PCDH15: variants seen among roughly 807,000 people sequenced by gnomAD.
PCDH15 encodes the protein protocadherin related 15, also known as protocadherin-15.
PCDH15 carries 129 observed loss-of-function variants against 178.5 expected under a neutral mutation model. The ratio of observed to expected loss-of-function variants is 0.72; its 90% CI spans 0.63 to 0.84. The LOEUF (loss-of-function observed/expected upper bound fraction) is 0.84, where lower values mean the gene tolerates loss of function less well. Ranked by LOEUF, PCDH15 falls within the 40% of genes least tolerant of loss-of-function variation. PCDH15 has a pLI of 0.00. For missense variants in PCDH15, 2,230 were observed against 2,099.9 expected, an observed-to-expected ratio of 1.06 and a Z score of -1.21; for synonymous variants, 800 against 732.0, an observed-to-expected ratio of 1.09 and a Z score of -1.50.
chr10:54,926,289 G>A (rs1452209545), intron 2 of PCDH15, among the ~76,000 whole-genome samples: 1 of 152,056 alleles, frequency 6.6e-6, no homozygotes, highest in African/African-American at 2.4e-5. Context: ...GAATTCCAAG[G>A]TTAAAGCCTA....
intron 2 of PCDH15, among the ~76,000 whole-genome samples, chr10:54,942,300 G>A (rs1838083223): frequency 1.3e-5 from 2 of 152,014 alleles, no homozygotes; most frequent in Admixed American, 6.6e-5. Flanking sequence ...TGTGGGTTGT[G>A]GTGCCAATGC....
At chr10:54,886,020 C>T (rs377292692) in intron 3 of PCDH15, among the ~76,000 whole-genome samples, 23 of 151,154 alleles carry the variant, frequency 1.5e-4, no homozygotes, top group South Asian at 4.2e-4. Flanking sequence ...CACTGTTTTT[C>T]TCTCTCTCTC....
At chr10:53,891,579 A>G (rs552487461) in intron 26 of PCDH15, among the ~76,000 whole-genome samples, 138 of 152,286 alleles carry the variant, frequency 9.1e-4, no homozygotes, top group African/African-American at 3.0e-3. Context: ...CCATTTACCA[A>G]ATAAACTACT....
chr10:54,110,710 C>T lies in PCDH15; in HGVS notation c.1918-20647G>A, dbSNP rs1285622648. 1.5e-4 allele frequency among the ~76,000 whole-genome samples: 23 copies of T among 152,076 alleles called. 1 individual carries two copies. Reference sequence around the variant, plus strand: ...TTTATGTTTTTTAACCTGGAGCTTTCTTTAAAAAAAGCTTTGTTCTTATGT... The same window carrying T: ...TTTATGTTTTTTAACCTGGAGCTTTTTTTAAAAAAAGCTTTGTTCTTATGT... On this transcript the variant is annotated intron_variant, in intron 15 of 37. Coordinates refer to ENST00000644397, the MANE Select transcript of PCDH15 (RefSeq NM_001384140.1).
chr10:55,206,674 C>G (rs1278636232), intron 1 of PCDH15, among the ~76,000 whole-genome samples: 1 of 152,088 alleles, frequency 6.6e-6, no homozygotes, highest in African/African-American at 2.4e-5. Flanking sequence ...CATTTTGGAG[C>G]AGTCTGTTTT....
chr10:55,088,695 A>G (rs751861952), intron 2 of PCDH15, among the ~76,000 whole-genome samples: 3 of 152,188 alleles, frequency 2.0e-5, no homozygotes, highest in Non-Finnish European at 4.4e-5. Context: ...ATATATTTGC[A>G]TATTCATTAT....
chr10:55,428,827 ATATTT>A (rs1246591264), intron 2 of PCDH15, among the ~76,000 whole-genome samples: 2 of 151,820 alleles, frequency 1.3e-5, no homozygotes, highest in Admixed American at 1.3e-4. Context: ...TTTTTGTATT[ATATTT>A]TATTTCCTTT....
At chr10:55,392,088 T>G (rs922236061) in intron 2 of PCDH15, among the ~76,000 whole-genome samples, 2 of 152,156 alleles carry the variant, frequency 1.3e-5, no homozygotes, top group African/African-American at 4.8e-5. Flanking sequence ...CATTTATTTA[T>G]TACGTTCAGT....
chr10:54,153,832 G>T (rs1248841230), intron 13 of PCDH15, among the ~76,000 whole-genome samples: 2 of 152,016 alleles, frequency 1.3e-5, no homozygotes, highest in African/African-American at 2.4e-5. Context: ...TCTAGGAAAG[G>T]TTATTAACTT....
At chr10:55,473,931 A>G (rs1381420197) in intron 2 of PCDH15, among the ~76,000 whole-genome samples, 1 of 152,154 alleles carries the variant, frequency 6.6e-6, no homozygotes, top group African/African-American at 2.4e-5. Context: ...TGTTAAACCT[A>G]TTTAAGTAAT....
chr10:54,365,013 C>G (rs1946597696), intron 5 of PCDH15, among the ~76,000 whole-genome samples: 1 of 152,136 alleles, frequency 6.6e-6, no homozygotes, highest in African/African-American at 2.4e-5. Context: ...TATGCCTCAT[C>G]TTATCCAGTT....
intron 2 of PCDH15, among the ~76,000 whole-genome samples, chr10:55,039,560 C>T (rs1248922643): frequency 6.6e-6 from 1 of 152,028 alleles, no homozygotes; most frequent in African/African-American, 2.4e-5. Flanking sequence ...TAATGCTTTG[C>T]CTGCTTCTCA....
intron 2 of PCDH15, among the ~76,000 whole-genome samples, chr10:54,954,032 T>G (rs1401322507): frequency 6.6e-6 from 1 of 151,258 alleles, no homozygotes; most frequent in Non-Finnish European, 1.5e-5. Flanking sequence ...AGCCAAATAT[T>G]TAAGAATCAA....
At chr10:54,321,110 G>A (rs946766775) in intron 7 of PCDH15, among the ~76,000 whole-genome samples, 43 of 149,944 alleles carry the variant, frequency 2.9e-4, no homozygotes, top group African/African-American at 1.0e-3. Context: ...TTAATAAAAT[G>A]ACATATTTAA....
intron 1 of PCDH15, among the ~76,000 whole-genome samples, chr10:55,254,037 G>C (rs1184970182): frequency 6.6e-6 from 1 of 152,036 alleles, no homozygotes; most frequent in Non-Finnish European, 1.5e-5. Context: ...TTATACACAG[G>C]TCTTCTTTGA....
intron 1 of PCDH15, among the ~76,000 whole-genome samples, chr10:54,676,459 T>C (rs778508420): frequency 2.5e-4 from 38 of 152,116 alleles, no homozygotes; most frequent in Non-Finnish European, 4.6e-4. Flanking sequence ...CCACTAAGTA[T>C]GATTTTAATA....
At chr10:54,658,045 C>T (rs2094437299) in intron 2 of PCDH15, among the ~76,000 whole-genome samples, 1 of 152,086 alleles carries the variant, frequency 6.6e-6, no homozygotes, top group African/African-American at 2.4e-5. Context: ...CTAGACCATT[C>T]AGAAGCCTGG....
intron 8 of PCDH15, among the ~76,000 whole-genome samples, chr10:54,310,735 A>T (rs1008253702): frequency 6.6e-6 from 1 of 152,098 alleles, no homozygotes; most frequent in Non-Finnish European, 1.5e-5. Flanking sequence ...ACTCAATCTT[A>T]GTAAAACAAT....
At chr10:53,821,476 C>G (rs981494815) in intron 32 of PCDH15, 2 of 1,017,754 alleles carry the variant, frequency 2.0e-6, no homozygotes, top group African/African-American at 1.7e-5. Context: ...TTTCTTGGAA[C>G]ATTCATATAA....
Sources: gnomAD v4.1 joint callset for allele counts (sites outside exome capture counted in the v4.1 genomes callset) on GRCh38, gnomAD v4.1.1 for gene constraint, MANE v1.5 for transcripts, NCBI Gene and HGNC (gene_info 2026-07-23, HGNC 2026-07-21) for gene names.